Variants in IQGAP2 observed in about 807,000 individuals in gnomAD.
IQGAP2 encodes IQ motif containing GTPase activating protein 2.
IQGAP2 carries 173 observed loss-of-function variants against 201.3 expected under a neutral mutation model. The observed-to-expected ratio is 0.86, with a 90% CI of 0.76 to 0.98. The LOEUF (loss-of-function observed/expected upper bound fraction) is 0.98, where lower values mean the gene tolerates loss of function less well. Ranked by LOEUF, IQGAP2 falls within the 50% of genes least tolerant of loss-of-function variation. The pLI is 0.00. For synonymous variants in IQGAP2, 675 were observed against 673.9 expected (o/e 1.00, Z -0.03); for missense variants, 1,687 against 1,864.8 (o/e 0.90, Z 1.76).
Position 76,583,112 on chromosome 5 carries a change from C to T in IQGAP2, c.459-5794C>T, listed in dbSNP as rs145440036. On this transcript the variant is annotated intron_variant, in intron 5 of 35. Transcript: ENST00000274364. ...TTTGACTTGGCTGTTAGGTACCAAACGGTGCTTAATAAATTAACTGTTGAA... is the reference window on the plus strand; with the variant it reads ...TTTGACTTGGCTGTTAGGTACCAAATGGTGCTTAATAAATTAACTGTTGAA... Among the ~76,000 whole-genome samples, 766 of 152,300 alleles carry T rather than the reference C, an allele frequency of 5.0e-3. 8 individuals are homozygous for T. Among genetic ancestry groups the T allele is most frequent in the African/African-American group, 0.018 (728 of 41,560 alleles).
In IQGAP2 at chr5:76,623,356, C is replaced by T. The variant is rs183310031; in HGVS notation, c.1522-4054C>T. The T allele has an allele frequency of 7.2e-4, 819 of 1,140,622 alleles. 3 individuals carry two copies. Among genetic ancestry groups the T allele is most frequent in the Admixed American group, 6.5e-4 (30 of 45,976 alleles). 70.7% of individuals were successfully genotyped at this position (1,140,622 alleles called of 1,614,324 possible). A position where few individuals can be genotyped will look rare whatever the true frequency, so the allele number is the denominator to read the frequency against. ...TGGTCTGTCTGTAGAAGTTTGCTCT[C>T]CTGTGCCGTGCAGGCAGGAAACTTG... On this transcript the variant is annotated intron_variant, in intron 13 of 35. Coordinates refer to ENST00000274364, the MANE Select transcript of IQGAP2 (RefSeq NM_006633.5).
At chr5:76,573,279 A>G (rs775815977) in intron 4 of IQGAP2, among the ~76,000 whole-genome samples, 8 of 152,234 alleles carry the variant, frequency 5.3e-5, no homozygotes, top group Admixed American at 1.3e-4. Context: ...TTATTTTAAC[A>G]TTGGTTTTTA....
chr5:76,415,642 TTAA>T (rs1354395778), intron 1 of IQGAP2, among the ~76,000 whole-genome samples: 1 of 152,190 alleles, frequency 6.6e-6, no homozygotes, highest in African/African-American at 2.4e-5. Context: ...ACTGTTGTAG[TTAA>T]TAATTTGTGA....
chr5:76,597,232 G>C, intron 9 of IQGAP2: 1 of 580,042 alleles, frequency 1.7e-6, no homozygotes, highest in South Asian at 2.1e-5. Context: ...CAATGCTAAG[G>C]TTCTTGTAGG....
At chr5:76,480,959 T>C (rs1191992992) in intron 2 of IQGAP2, among the ~76,000 whole-genome samples, 1 of 149,694 alleles carries the variant, frequency 6.7e-6, no homozygotes, top group Non-Finnish European at 1.5e-5. Flanking sequence ...GTTTCCAAGA[T>C]GGCATCTTGT....
At chr5:76,684,655 G>A (rs1243983598) in intron 30 of IQGAP2, among the ~76,000 whole-genome samples, 2 of 152,172 alleles carry the variant, frequency 1.3e-5, no homozygotes, top group African/African-American at 4.8e-5. Flanking sequence ...GGGGTGAGAT[G>A]GAGACTGGAA....
intron 1 of IQGAP2, among the ~76,000 whole-genome samples, chr5:76,454,169 T>C (rs537603566): frequency 7.6e-4 from 116 of 152,222 alleles, no homozygotes; most frequent in Middle Eastern, 3.4e-3. Context: ...TTAAGCAGGG[T>C]TCTAGATACA....
At chr5:76,532,725 C>G (rs938051141) in intron 2 of IQGAP2, among the ~76,000 whole-genome samples, 2 of 152,202 alleles carry the variant, frequency 1.3e-5, no homozygotes, top group African/African-American at 4.8e-5. Context: ...GAAACAAGCC[C>G]TGGACTGGCT....
intron 30 of IQGAP2, among the ~76,000 whole-genome samples, chr5:76,692,914 C>T (rs888976910): frequency 6.6e-6 from 1 of 152,138 alleles, no homozygotes; most frequent in East Asian, 1.9e-4. Context: ...CTCCTAAAGG[C>T]TTATGAGGTA....
chr5:76,692,749 A>G (rs1561599894), intron 30 of IQGAP2, among the ~76,000 whole-genome samples: 2 of 152,098 alleles, frequency 1.3e-5, no homozygotes, highest in South Asian at 4.1e-4. Flanking sequence ...TGTTAACCCT[A>G]TTTGTTAGTT....
At position 76,654,249 on chromosome 5, in the gene IQGAP2, G is replaced by A; in HGVS notation, c.2228G>A (p.Arg743Lys). The change falls in exon 19 of 36, where the codon AGA (arginine) becomes AAA (lysine). Residue 743 changes from arginine to lysine, a missense_variant. Physicochemically the swap from Arg to Lys is conservative, Grantham distance 26. Transcript: ENST00000274364. Reference protein sequence around the residue: ...MATARKSYLSRLQYFRDHNNE... With the variant: ...MATARKSYLSKLQYFRDHNNE... Reference sequence around the variant, plus strand: ...ACTGCAAGAAAGAGCTATCTTTCAAGACTACAGTATTTCAGAGATCATGTA... The same window carrying A: ...ACTGCAAGAAAGAGCTATCTTTCAAAACTACAGTATTTCAGAGATCATGTA... The A allele has an allele frequency of 6.2e-7, 1 of 1,609,848 alleles. No homozygotes were observed. Among genetic ancestry groups the A allele is most frequent in the Non-Finnish European group, 8.5e-7 (1 of 1,177,534 alleles).
At chr5:76,617,930 T>C (rs1258569058) in intron 13 of IQGAP2, 3 of 1,613,200 alleles carry the variant, frequency 1.9e-6, no homozygotes, top group Non-Finnish European at 2.5e-6. Context: ...AGTAATAGAG[T>C]TGGAAGGGAG....
intron 9 of IQGAP2, among the ~76,000 whole-genome samples, chr5:76,595,570 G>A (rs1226668250): frequency 1.4e-5 from 2 of 140,542 alleles, no homozygotes; most frequent in African/African-American, 5.2e-5. Flanking sequence ...ACCAGCCTGG[G>A]CAACAAAGAG....
intron 9 of IQGAP2, 194 bp from the exon 10 acceptor site, chr5:76,597,245 C>G: frequency 1.7e-6 from 1 of 595,772 alleles, no homozygotes. Context: ...CTTGTAGGCA[C>G]TAATTCCAAA....
intron 2 of IQGAP2, among the ~76,000 whole-genome samples, chr5:76,523,332 C>A (rs1407373811): frequency 6.6e-6 from 1 of 152,050 alleles, no homozygotes; most frequent in African/African-American, 2.4e-5. Flanking sequence ...CTCAAGCGAT[C>A]CTCCCTCTTG....
intron 33 of IQGAP2, among the ~76,000 whole-genome samples, chr5:76,700,243 C>T (rs1387381520): frequency 6.6e-6 from 1 of 152,106 alleles, no homozygotes; most frequent in Non-Finnish European, 1.5e-5. Flanking sequence ...GATCTTGAGC[C>T]CAGTTCAGTG....
chr5:76,578,986 T>G (rs1745656504), intron 5 of IQGAP2, among the ~76,000 whole-genome samples: 1 of 152,136 alleles, frequency 6.6e-6, no homozygotes, highest in South Asian at 2.1e-4. Context: ...CCCACCTTAT[T>G]AAAGATGTAT....
At chr5:76,445,685 G>A (rs1286596373) in intron 1 of IQGAP2, among the ~76,000 whole-genome samples, 5 of 152,046 alleles carry the variant, frequency 3.3e-5, no homozygotes, top group Non-Finnish European at 4.4e-5. Context: ...GGCTGGTCTC[G>A]AACTCCTGAC....
At chr5:76,599,961 A>G (rs1055773999) in intron 10 of IQGAP2, among the ~76,000 whole-genome samples, 2 of 152,166 alleles carry the variant, frequency 1.3e-5, no homozygotes, top group African/African-American at 4.8e-5. Context: ...TTTTTGGATA[A>G]GCTAAATCCA....
Sources: allele counts gnomAD v4.1 joint callset (sites outside exome capture counted in the v4.1 genomes callset), GRCh38; gene constraint gnomAD v4.1.1; transcripts MANE v1.5; gene names NCBI Gene and HGNC (gene_info 2026-07-23, HGNC 2026-07-21).